NLGN1: variants seen among roughly 807,000 people sequenced by gnomAD.
NLGN1 encodes neuroligin 1, also known as neuroligin-1.
In NLGN1, 12 loss-of-function variants were observed where a neutral mutation model predicts 65.5. The ratio of observed to expected loss-of-function variants is 0.18; its 90% CI spans 0.12 to 0.30. NLGN1 has a LOEUF of 0.30. Ranked by LOEUF, NLGN1 falls within the 10% of genes least tolerant of loss-of-function variation. The pLI is 1.00. For synonymous variants in NLGN1, 350 were observed against 359.5 expected (o/e 0.97, Z 0.30); for missense variants, 750 against 1,007.1 (o/e 0.74, Z 3.46).
intron 4 of NLGN1, among the ~76,000 whole-genome samples, chr3:173,857,459 C>T (rs1341821116): frequency 6.6e-6 from 1 of 152,004 alleles, no homozygotes; most frequent in Non-Finnish European, 1.5e-5. Flanking sequence ...AAACCCAATA[C>T]GTTTTCCAAT....
chr3:173,950,958 C>T (rs1419361150), intron 4 of NLGN1, among the ~76,000 whole-genome samples: 1 of 152,024 alleles, frequency 6.6e-6, no homozygotes, highest in Admixed American at 6.6e-5. Context: ...CCTCCGTCTC[C>T]CGGGTTCAAG....
At chr3:173,438,962 A>T (rs547409823) in intron 2 of NLGN1, among the ~76,000 whole-genome samples, 1 of 152,322 alleles carries the variant, frequency 6.6e-6, no homozygotes, top group African/African-American at 2.4e-5. Flanking sequence ...TTCCAAATTC[A>T]ATTCAGTAGA....
rs1751058288 is a variant in NLGN1, at chr3:173,604,548, A to G, written c.-51A>G. Reference sequence around the variant, plus strand: ...TATACAGTCTTTCTCAAGTGGATATAAATACGTTTGCCTCACTGTAACCAG... The same window carrying G: ...TATACAGTCTTTCTCAAGTGGATATGAATACGTTTGCCTCACTGTAACCAG... On this transcript the variant is annotated 5_prime_UTR_variant, in exon 3 of 7. In the 5' UTR this introduces an upstream ATG that the reference lacks. Coordinates refer to ENST00000457714, the Ensembl canonical transcript of NLGN1. 1 of 1,589,802 alleles carries G rather than the reference A, an allele frequency of 6.3e-7. No homozygotes were observed. The highest frequency in any genetic ancestry group is 8.6e-7 in the Non-Finnish European group (1 of 1,164,816).
At chr3:174,289,957 A>ATATATATGTATATATATATGTG (rs1553995107), downstream of NLGN1, among the ~76,000 whole-genome samples, 13 of 41,568 alleles carry the variant, frequency 3.1e-4, no homozygotes, top group Admixed American at 7.4e-4. Flanking sequence ...ATATATGTGT[A>ATATATATGTATATATATATGTG]TATATATATA....
chr3:174,168,856 A>T (rs1379141487), intron 4 of NLGN1, among the ~76,000 whole-genome samples: 1 of 152,130 alleles, frequency 6.6e-6, no homozygotes, highest in Non-Finnish European at 1.5e-5. Context: ...TGTGACAAAC[A>T]CTCAGGAGAA....
intron 4 of NLGN1, among the ~76,000 whole-genome samples, chr3:174,095,890 C>G (rs1265799412): frequency 6.6e-6 from 1 of 151,894 alleles, no homozygotes; most frequent in Non-Finnish European, 1.5e-5. Context: ...GTCCTGGCTA[C>G]TCGGGAGGCT....
intron 3 of NLGN1, among the ~76,000 whole-genome samples, chr3:173,665,184 G>A (rs2149707860): frequency 6.6e-6 from 1 of 152,116 alleles, no homozygotes; most frequent in African/African-American, 2.4e-5. Flanking sequence ...GGGACCTCAT[G>A]GGAGGTAATT....
chr3:174,084,895 G>A (rs1455106067), intron 4 of NLGN1, among the ~76,000 whole-genome samples: 1 of 151,860 alleles, frequency 6.6e-6, no homozygotes, highest in South Asian at 2.1e-4. Flanking sequence ...AACTAAACAC[G>A]AAACTCAATA....
At chr3:173,579,697 G>A (rs1054842643) in intron 2 of NLGN1, among the ~76,000 whole-genome samples, 46 of 152,244 alleles carry the variant, frequency 3.0e-4, no homozygotes, top group African/African-American at 9.4e-4. Context: ...ATTCTTCCCC[G>A]TAGAAAGAAC....
At chr3:173,500,052 CTGCCTGAT>C (rs999476468) in intron 2 of NLGN1, among the ~76,000 whole-genome samples, 5 of 152,100 alleles carry the variant, frequency 3.3e-5, no homozygotes, top group Non-Finnish European at 7.3e-5. Context: ...TTTCCTTCTC[CTGCCTGAT>C]TGCCCTGGCT....
At chr3:174,120,750 A>G (rs971022442) in intron 4 of NLGN1, among the ~76,000 whole-genome samples, 7 of 152,094 alleles carry the variant, frequency 4.6e-5, no homozygotes, top group Admixed American at 2.6e-4. Context: ...CAGTATGGAG[A>G]TTTAATTGAC....
chr3:173,845,396 A>G (rs915386207), intron 4 of NLGN1, among the ~76,000 whole-genome samples: 1 of 152,192 alleles, frequency 6.6e-6, no homozygotes, highest in Non-Finnish European at 1.5e-5. Context: ...ATCTGAGTGA[A>G]TGATCCTCTG....
intron 2 of NLGN1, among the ~76,000 whole-genome samples, chr3:173,441,017 G>A (rs745573253): frequency 1.4e-4 from 21 of 152,136 alleles, no homozygotes; most frequent in Non-Finnish European, 2.4e-4. Flanking sequence ...TCTACACCAG[G>A]ACTTTCTGCT....
At chr3:174,136,310 A>G (rs563573115) in intron 4 of NLGN1, 1 of 152,260 alleles carries the variant, frequency 6.6e-6, no homozygotes, top group African/African-American at 2.4e-5. Context: ...TACTGTAGGA[A>G]ATAACTACAT....
At chr3:173,609,797 G>A (rs1193835104) in intron 3 of NLGN1, among the ~76,000 whole-genome samples, 1 of 151,922 alleles carries the variant, frequency 6.6e-6, no homozygotes, top group African/African-American at 2.4e-5. Context: ...TTAAAAAGGT[G>A]TGAGAGGGTG....
At chr3:173,988,971 G>A (rs910757479) in intron 4 of NLGN1, among the ~76,000 whole-genome samples, 10 of 152,000 alleles carry the variant, frequency 6.6e-5, no homozygotes, top group African/African-American at 1.2e-4. Flanking sequence ...ACATACTTAG[G>A]ATGCTGAAGG....
At chr3:173,485,643 G>T (rs1161503141) in intron 2 of NLGN1, among the ~76,000 whole-genome samples, 4 of 152,164 alleles carry the variant, frequency 2.6e-5, no homozygotes, top group African/African-American at 7.2e-5. Flanking sequence ...TTTCTGCAAA[G>T]AATTCTTGTA....
intron 2 of NLGN1, among the ~76,000 whole-genome samples, chr3:173,533,617 C>T (rs1389839291): frequency 2.0e-5 from 3 of 152,058 alleles, no homozygotes; most frequent in Admixed American, 6.6e-5. Flanking sequence ...AATGACCAAA[C>T]GACATGTTTG....
downstream of NLGN1, among the ~76,000 whole-genome samples, chr3:174,289,073 TCATC>T (rs1225283838): frequency 6.6e-6 from 1 of 151,354 alleles, no homozygotes; most frequent in African/African-American, 2.4e-5. Context: ...ACTTCTATCT[TCATC>T]CAAGTCACTA....
Sources: gnomAD v4.1 joint callset for allele counts (sites outside exome capture counted in the v4.1 genomes callset) on GRCh38, gnomAD v4.1.1 for gene constraint, MANE v1.5 for transcripts, NCBI Gene and HGNC (gene_info 2026-07-23, HGNC 2026-07-21) for gene names.